RSRC1: variants seen among roughly 807,000 people sequenced by gnomAD.
RSRC1 encodes the protein serine/Arginine-related protein 53.
In RSRC1, 39 loss-of-function variants were observed where a neutral mutation model predicts 49.1. The ratio of observed to expected loss-of-function variants is 0.79; its 90% CI spans 0.61 to 1.04. The LOEUF is 1.04. Among genes scored for constraint, RSRC1 ranks in the 50% least tolerant of loss-of-function variants. The probability of loss-of-function intolerance (pLI) is 0.00; values close to 1 mark genes in which losing one functional copy is unlikely to be tolerated. For missense variants in RSRC1, 388 were observed against 402.4 expected (o/e 0.96, Z 0.31); for synonymous variants, 143 against 130.8 (o/e 1.09, Z -0.63).
intron 4 of RSRC1, among the ~76,000 whole-genome samples, chr3:158,283,883 T>C (rs1433284623): frequency 6.6e-5 from 1 of 15,186 alleles, no homozygotes; most frequent in Non-Finnish European, 1.1e-4. Context: ...TTTGTTTTCT[T>C]TTTTTTTTTT....
intron 5 of RSRC1, among the ~76,000 whole-genome samples, chr3:158,326,172 C>T (rs550317086): frequency 1.1e-3 from 160 of 152,254 alleles, no homozygotes; most frequent in African/African-American, 3.4e-3. Flanking sequence ...ATGTCATCTG[C>T]AAACAGGGAC....
chr3:158,538,339 T>C (rs16829102), intron 8 of RSRC1, among the ~76,000 whole-genome samples: 17,756 of 151,822 alleles, frequency 0.12, 1,351 homozygotes, highest in African/African-American at 0.22. Context: ...TGATTTCCTT[T>C]GAACTTTTGA....
intron 5 of RSRC1, among the ~76,000 whole-genome samples, chr3:158,352,497 A>G (rs1730931516): frequency 6.6e-6 from 1 of 152,110 alleles, no homozygotes. Context: ...ATCTTTCCTT[A>G]TGAAATACAA....
At chr3:158,162,446 A>G (rs1332486410) in intron 3 of RSRC1, among the ~76,000 whole-genome samples, 1 of 152,200 alleles carries the variant, frequency 6.6e-6, no homozygotes, top group Non-Finnish European at 1.5e-5. Context: ...ATGATAAAGA[A>G]TTAATATAAC....
At chr3:158,469,398 A>G (rs1738027421) in intron 7 of RSRC1, 1 of 449,052 alleles carries the variant, frequency 2.2e-6, no homozygotes, top group Non-Finnish European at 4.5e-6. Flanking sequence ...AATGATTCCC[A>G]TGATGCATAT....
Position 158,510,500 on chromosome 3 carries a change from A to AT in RSRC1, c.653-26583dup, listed in dbSNP as rs1051571866. Reference sequence around the variant, plus strand: ...CACTTAAACTCTTAATCCACCTGGAATTTTTTTTTAATGTTTAATTTTCGT... The same window carrying AT: ...CACTTAAACTCTTAATCCACCTGGAATTTTTTTTTTAATGTTTAATTTTCGT... On this transcript the variant is annotated intron_variant, in intron 7 of 9. Transcript: ENST00000611884. Among the ~76,000 whole-genome samples, 4 of 151,512 alleles carry AT rather than the reference A, an allele frequency of 2.6e-5. No homozygotes were observed. The South Asian group carries it at 6.3e-4, about 24-fold the overall frequency.
At chr3:158,447,177 T>G (rs1736768093) in intron 6 of RSRC1, among the ~76,000 whole-genome samples, 1 of 151,994 alleles carries the variant, frequency 6.6e-6, no homozygotes, top group South Asian at 2.1e-4. Flanking sequence ...AAGTCTGCAT[T>G]TTATCAGAAG....
At chr3:158,356,531 T>C (rs1398152136) in intron 6 of RSRC1, among the ~76,000 whole-genome samples, 1 of 149,414 alleles carries the variant, frequency 6.7e-6, no homozygotes, top group Non-Finnish European at 1.5e-5. Flanking sequence ...AAATAATTCA[T>C]AGTTTATGTT....
At chr3:158,205,443 G>A (rs533622962) in intron 4 of RSRC1, among the ~76,000 whole-genome samples, 8 of 152,064 alleles carry the variant, frequency 5.3e-5, no homozygotes, top group Non-Finnish European at 8.8e-5. Flanking sequence ...TCAGTCAACA[G>A]TATTTAAATG....
intron 7 of RSRC1, among the ~76,000 whole-genome samples, chr3:158,465,000 T>C (rs527950977): frequency 6.6e-6 from 1 of 152,136 alleles, no homozygotes; most frequent in Admixed American, 6.6e-5. Context: ...ATCCTTTGCC[T>C]TCCTCTCTGG....
chr3:158,502,032 T>A (rs977984430), intron 7 of RSRC1, among the ~76,000 whole-genome samples: 3 of 152,178 alleles, frequency 2.0e-5, no homozygotes, highest in Non-Finnish European at 2.9e-5. Flanking sequence ...AGATTTAGAG[T>A]TCCTTTTAGC....
chr3:158,457,740 GTTTT>G (rs762873924), intron 6 of RSRC1, among the ~76,000 whole-genome samples: 1 of 78,780 alleles, frequency 1.3e-5, no homozygotes. Context: ...GTTTTTTTTT[GTTTT>G]TTTTTTTTGT....
intron 6 of RSRC1, among the ~76,000 whole-genome samples, chr3:158,413,132 C>T (rs887488739): frequency 6.6e-6 from 1 of 152,048 alleles, no homozygotes; most frequent in African/African-American, 2.4e-5. Context: ...GGTACTGGTA[C>T]AAATACAGAC....
In RSRC1 at chr3:158,311,199, T is replaced by G. The variant is rs541290023; in HGVS notation, c.531+13124T>G. On this transcript the variant is annotated intron_variant, in intron 5 of 9. Coordinates refer to ENST00000611884, the MANE Select transcript of RSRC1 (RefSeq NM_001271838.2). ...AAGAATTAGAATACTTTATGCTCAT[T>G]ATTATATCTATATCTTACCTACCAT... Among the ~76,000 whole-genome samples the G allele has an allele frequency of 1.2e-4, 19 of 152,074 alleles. No individual in the cohort carries two copies. In the East Asian group the frequency reaches 3.5e-3, roughly 28 times the overall value.
At chr3:158,390,378 T>G (rs1733210442) in intron 6 of RSRC1, among the ~76,000 whole-genome samples, 1 of 152,096 alleles carries the variant, frequency 6.6e-6, no homozygotes, top group South Asian at 2.1e-4. Flanking sequence ...AGTTGGACAA[T>G]CAAGAAAGTA....
chr3:158,301,867 C>G (rs1371630046), intron 5 of RSRC1, among the ~76,000 whole-genome samples: 2 of 152,096 alleles, frequency 1.3e-5, no homozygotes, highest in Non-Finnish European at 2.9e-5. Context: ...CAGTGGTATT[C>G]TCAGAGAGAT....
intron 4 of RSRC1, among the ~76,000 whole-genome samples, chr3:158,244,771 G>A (rs1160659368): frequency 6.6e-6 from 1 of 151,976 alleles, no homozygotes; most frequent in Non-Finnish European, 1.5e-5. Context: ...TTTTTGGAGT[G>A]GTAGGCTTTT....
intron 4 of RSRC1, among the ~76,000 whole-genome samples, chr3:158,276,608 CT>C (rs1283245557): frequency 1.3e-5 from 2 of 152,110 alleles, no homozygotes; most frequent in African/African-American, 4.8e-5. Flanking sequence ...TGGTCCTATA[CT>C]TTATTTATTT....
chr3:158,495,076 T>C (rs1181656056), intron 7 of RSRC1, among the ~76,000 whole-genome samples: 1 of 152,200 alleles, frequency 6.6e-6, no homozygotes, highest in Non-Finnish European at 1.5e-5. Flanking sequence ...GCATGAGTTA[T>C]GTGTTGTGCC....
Sources: gnomAD v4.1 joint callset for allele counts (sites outside exome capture counted in the v4.1 genomes callset) on GRCh38, gnomAD v4.1.1 for gene constraint, MANE v1.5 for transcripts, NCBI Gene and HGNC (gene_info 2026-07-23, HGNC 2026-07-21) for gene names.